The following SGMS1 variants were observed in gnomAD, a reference collection of about 807,000 sequenced individuals.
SGMS1 encodes sphingomyelin synthase 1.
SGMS1 carries 13 observed loss-of-function variants against 46.2 expected under a neutral mutation model. The observed-to-expected ratio is 0.28, with a 90% CI of 0.18 to 0.45. The LOEUF (loss-of-function observed/expected upper bound fraction) is 0.45, where lower values mean the gene tolerates loss of function less well. Among genes scored for constraint, SGMS1 ranks in the 20% least tolerant of loss-of-function variants. The pLI is 1.00. For missense variants in SGMS1, 324 were observed against 519.9 expected, an observed-to-expected ratio of 0.62 and a Z score of 3.66; for synonymous variants, 203 against 187.8, an observed-to-expected ratio of 1.08 and a Z score of -0.66.
intron 1 of SGMS1, among the ~76,000 whole-genome samples, chr10:50,607,169 G>T (rs1292415217): frequency 6.8e-6 from 1 of 147,930 alleles, no homozygotes; most frequent in African/African-American, 2.5e-5. Context: ...TTTTGGTAGA[G>T]ATATGGTTCT....
chr10:50,526,380 T>C (rs1837901820), intron 2 of SGMS1, among the ~76,000 whole-genome samples: 1 of 152,002 alleles, frequency 6.6e-6, no homozygotes, highest in South Asian at 2.1e-4. Context: ...CATGATCCAA[T>C]CATCTCCCAC....
At chr10:50,314,751 T>C (rs1847311639) in intron 8 of SGMS1, among the ~76,000 whole-genome samples, 1 of 151,458 alleles carries the variant, frequency 6.6e-6, no homozygotes, top group Admixed American at 6.6e-5. Context: ...GGCGAGACTG[T>C]CTGTACAAAA....
chr10:50,434,840 C>T (rs1327238344), intron 5 of SGMS1, among the ~76,000 whole-genome samples: 4 of 147,478 alleles, frequency 2.7e-5, no homozygotes, highest in Non-Finnish European at 4.5e-5. Flanking sequence ...GCCGAGATCA[C>T]GCCACTGCAC....
intron 6 of SGMS1, among the ~76,000 whole-genome samples, chr10:50,386,757 C>A (rs777794205): frequency 6.6e-6 from 1 of 152,164 alleles, no homozygotes; most frequent in Non-Finnish European, 1.5e-5. Flanking sequence ...TCTCAGCACA[C>A]CCCTGCCCCA....
In SGMS1 at chr10:50,574,887, C is replaced by T. The variant is rs533160653; in HGVS notation, c.-589+15266G>A. ...CACCACATCATATGTATTGAAATCT[C>T]ACTATGTATCCCATAAGTACATGTA... On this transcript the variant is annotated intron_variant, in intron 2 of 10. Transcript: ENST00000361781. Among the ~76,000 whole-genome samples the T allele has an allele frequency of 2.4e-4, 36 of 149,586 alleles. 1 individual carries two copies. The South Asian group carries it at 6.3e-3, about 26-fold the overall frequency.
rs370873545 is a variant in SGMS1 at position 50,322,667 on chromosome 10, C to T, written c.741+4538G>A. On this transcript the variant is annotated intron_variant, in intron 8 of 10. Transcript: ENST00000361781. ...CTAACAAGGTGAAACCCCGTCTCTACTAAAAATACAAAAAATTAGCCGGGC... is the reference window on the plus strand; with the variant it reads ...CTAACAAGGTGAAACCCCGTCTCTATTAAAAATACAAAAAATTAGCCGGGC... Among the ~76,000 whole-genome samples the T allele has an allele frequency of 8.0e-5, 12 of 150,908 alleles. No individual in the cohort carries two copies. In the East Asian group the frequency reaches 2.3e-3, roughly 29 times the overall value.
intron 6 of SGMS1, among the ~76,000 whole-genome samples, chr10:50,351,479 G>A (rs77004682): frequency 6.6e-6 from 1 of 152,220 alleles, no homozygotes; most frequent in East Asian, 1.9e-4. Context: ...TGGTTTGGCT[G>A]TGTGCCCACG....
At chr10:50,475,452 C>CA (rs1450882218) in intron 3 of SGMS1, among the ~76,000 whole-genome samples, 1 of 152,188 alleles carries the variant, frequency 6.6e-6, no homozygotes, top group African/African-American at 2.4e-5. Flanking sequence ...TTAGCAGTAA[C>CA]AGTCCATTTT....
Position 50,343,964 on chromosome 10 carries a change from G to A in SGMS1, c.151C>T (p.Arg51Ter). The change falls in exon 7 of 11, where the codon CGA becomes TGA. Residue 51 changes from arginine (R) to a stop codon, truncating the protein, a stop_gained. Transcript: ENST00000361781. LOFTEE classifies it high-confidence loss of function. ...CGCTGCCCATTGTCAGAGGAGACTC[G>A]GCACAAGGGGGGTTTTTTGAAATCC... ...QEDFKKPPLC[R>*]VSSDNGQRLL... The A allele has an allele frequency of 1.2e-6, 2 of 1,614,108 alleles. No individual in the cohort carries two copies. The highest frequency in any genetic ancestry group is 1.3e-5 in the African/African-American group (1 of 75,026).
intron 3 of SGMS1, among the ~76,000 whole-genome samples, chr10:50,490,074 GAGATA>G (rs1837555109): frequency 6.6e-6 from 1 of 152,204 alleles, no homozygotes; most frequent in African/African-American, 2.4e-5. Flanking sequence ...CTCAAGTTCA[GAGATA>G]TGACTTAAGT....
intron 6 of SGMS1, among the ~76,000 whole-genome samples, chr10:50,425,816 T>C (rs1849318773): frequency 6.6e-6 from 1 of 152,228 alleles, no homozygotes; most frequent in African/African-American, 2.4e-5. Context: ...AATGAATGAG[T>C]CTGACATTTC....
At chr10:50,436,000 T>C (rs888913642) in intron 5 of SGMS1, among the ~76,000 whole-genome samples, 3 of 152,364 alleles carry the variant, frequency 2.0e-5, no homozygotes, top group African/African-American at 7.2e-5. Context: ...TTATTTGCTA[T>C]AATAGAAAAT....
intron 2 of SGMS1, among the ~76,000 whole-genome samples, chr10:50,588,602 T>C (rs570808144): frequency 9.2e-5 from 14 of 152,302 alleles, no homozygotes; most frequent in Admixed American, 3.3e-4. Context: ...TTTAATACAT[T>C]AACCTATATA....
intron 6 of SGMS1, among the ~76,000 whole-genome samples, chr10:50,430,470 C>A (rs201622462): frequency 7.3e-3 from 989 of 135,788 alleles, no homozygotes; most frequent in East Asian, 0.013. Context: ...TGGCAGAATA[C>A]AAAAAAAAAA....
At chr10:50,500,085 T>C (rs1837649204) in intron 3 of SGMS1, among the ~76,000 whole-genome samples, 1 of 152,196 alleles carries the variant, frequency 6.6e-6, no homozygotes, top group Admixed American at 6.5e-5. Flanking sequence ...AGAGGATCGC[T>C]TGAACCCGGG....
At chr10:50,569,923 T>A (rs1278184217) in intron 2 of SGMS1, among the ~76,000 whole-genome samples, 1 of 152,166 alleles carries the variant, frequency 6.6e-6, no homozygotes, top group Non-Finnish European at 1.5e-5. Flanking sequence ...AGACTGCATC[T>A]GGCACCTAGC....
At position 50,621,508 on chromosome 10, in the gene SGMS1, AAACTCTTCTGTTAT is replaced by A. The variant is rs201760214; in HGVS notation, c.-684+2185_-684+2198del. ...GATGATGAACATGGTAAATACTGGT[AAACTCTTCTGTTAT>A]GAAGAATTTTTAAAATTTCAGCTGC... On this transcript the variant is annotated intron_variant, in intron 1 of 10. Coordinates refer to ENST00000361781, the MANE Select transcript of SGMS1 (RefSeq NM_147156.4). Among the ~76,000 whole-genome samples the A allele has an allele frequency of 6.1e-3, 932 of 152,354 alleles. 5 individuals are homozygous for A. Among genetic ancestry groups the A allele is most frequent in the African/African-American group, 0.022 (894 of 41,574 alleles).
At chr10:50,565,231 A>T (rs966368805) in intron 2 of SGMS1, among the ~76,000 whole-genome samples, 2 of 152,208 alleles carry the variant, frequency 1.3e-5, no homozygotes, top group Non-Finnish European at 2.9e-5. Context: ...GGCTTAGTAC[A>T]CAGTGTCTTA....
At position 50,574,961 on chromosome 10, in the gene SGMS1, G is replaced by GTATATATATATATA. The variant is rs1491469065; in HGVS notation, c.-589+15191_-589+15192insTATATATATATATA. 4.9e-3 allele frequency among the ~76,000 whole-genome samples: 222 copies of GTATATATATATATA among 45,262 alleles called. 9 individuals are homozygous for GTATATATATATATA. The highest frequency in any genetic ancestry group is 0.023 in the East Asian group (29 of 1,254). The allele number at this position is 45,262 out of a possible 152,430, so 29.7% of individuals were successfully genotyped here. ...ATAAACATTTTAAAAGGAAAATGTG[G>GTATATATATATATA]TGTATATATATATATATATATATAA... is the stretch of plus-strand genomic sequence containing the variant. On this transcript the variant is annotated intron_variant, in intron 2 of 10. Coordinates refer to ENST00000361781, the MANE Select transcript of SGMS1 (RefSeq NM_147156.4).
Sources: gnomAD v4.1 joint callset for allele counts (sites outside exome capture counted in the v4.1 genomes callset) on GRCh38, gnomAD v4.1.1 for gene constraint, MANE v1.5 for transcripts, NCBI Gene and HGNC (gene_info 2026-07-23, HGNC 2026-07-21) for gene names.